Variants in IMMP2L observed in about 807,000 individuals in gnomAD.
The protein encoded by IMMP2L is mitochondrial inner membrane protease subunit 2.
In IMMP2L, 18 loss-of-function variants were observed where a neutral mutation model predicts 19.3. The observed-to-expected ratio is 0.93, with a 90% CI of 0.64 to 1.38. The LOEUF (loss-of-function observed/expected upper bound fraction) is 1.38, where lower values mean the gene tolerates loss of function less well. Ranked by LOEUF, IMMP2L falls within the 40% of genes most tolerant of loss-of-function variation. The pLI, the probability that IMMP2L is intolerant of heterozygous loss-of-function variation, is 0.00. For synonymous variants in IMMP2L, 76 were observed against 73.0 expected (o/e 1.04, Z -0.21); for missense variants, 233 against 218.2 (o/e 1.07, Z -0.43).
chr7:111,141,104 T>C (rs1802832784), intron 3 of IMMP2L, among the ~76,000 whole-genome samples: 2 of 152,138 alleles, frequency 1.3e-5, no homozygotes, highest in African/African-American at 2.4e-5. Flanking sequence ...CTCTACCCTA[T>C]GCATTAGTGT....
chr7:110,724,180 A>G (rs553724720), intron 5 of IMMP2L: 1 of 152,336 alleles, frequency 6.6e-6, no homozygotes, highest in South Asian at 2.1e-4. Flanking sequence ...CGGATAATTA[A>G]TATTTCAAGA....
chr7:110,763,408 A>G (rs990629259), intron 5 of IMMP2L, among the ~76,000 whole-genome samples: 5 of 152,140 alleles, frequency 3.3e-5, no homozygotes, highest in Admixed American at 2.0e-4. Flanking sequence ...CTGAGCAAGC[A>G]AAGCCCTACG....
At chr7:111,112,987 C>T (rs939653639) in intron 3 of IMMP2L, among the ~76,000 whole-genome samples, 6 of 152,092 alleles carry the variant, frequency 3.9e-5, no homozygotes, top group East Asian at 1.9e-4. Context: ...TTAGTAAAAA[C>T]GTAAAACACT....
At chr7:111,423,413 G>A (rs898820893) in intron 3 of IMMP2L, among the ~76,000 whole-genome samples, 8 of 151,882 alleles carry the variant, frequency 5.3e-5, no homozygotes, top group Admixed American at 3.9e-4. Context: ...GGTCTATTTA[G>A]AGATTCAACT....
intron 3 of IMMP2L, among the ~76,000 whole-genome samples, chr7:111,363,828 T>C (rs1829488554): frequency 1.3e-5 from 2 of 152,256 alleles, no homozygotes; most frequent in South Asian, 4.1e-4. Flanking sequence ...CATTTTCTCC[T>C]GTACTTACTC....
intron 5 of IMMP2L, among the ~76,000 whole-genome samples, chr7:110,719,514 T>C (rs1393238122): frequency 3.9e-5 from 6 of 152,190 alleles, no homozygotes; most frequent in African/African-American, 1.4e-4. Flanking sequence ...AACCCCATTA[T>C]TAAAATACAA....
intron 3 of IMMP2L, among the ~76,000 whole-genome samples, chr7:111,250,881 C>T (rs1280333838): frequency 6.6e-6 from 1 of 152,126 alleles, no homozygotes; most frequent in Non-Finnish European, 1.5e-5. Flanking sequence ...AAAGCCACAG[C>T]AACAAAAGCA....
At chr7:111,219,340 G>A (rs545405709) in intron 3 of IMMP2L, among the ~76,000 whole-genome samples, 4 of 152,012 alleles carry the variant, frequency 2.6e-5, no homozygotes, top group African/African-American at 9.6e-5. Context: ...TGATCAATAT[G>A]CTGATGTTCA....
chr7:111,474,672 T>C (rs147532185), intron 3 of IMMP2L, among the ~76,000 whole-genome samples: 1 of 152,238 alleles, frequency 6.6e-6, no homozygotes, highest in East Asian at 1.9e-4. Context: ...TATTAACTGA[T>C]TTCCCCCCTT....
rs1798318535 is a variant in IMMP2L at position 110,760,978 on chromosome 7, A to G, written c.409-97257T>C. Among the ~76,000 whole-genome samples, 1 of 152,134 alleles carries G rather than the reference A, an allele frequency of 6.6e-6. No individual in the cohort carries two copies. The highest frequency in any genetic ancestry group is 2.4e-5 in the African/African-American group (1 of 41,460). Reference sequence around the variant, plus strand: ...GCAAACATTGCAATGCAGCGATATCAGGTGAATTTGAAAAGCATCTGCTAC... The same window carrying G: ...GCAAACATTGCAATGCAGCGATATCGGGTGAATTTGAAAAGCATCTGCTAC... On this transcript the variant is annotated intron_variant, in intron 5 of 5. Coordinates refer to ENST00000405709, the MANE Select transcript of IMMP2L (RefSeq NM_032549.4). The surrounding 1 kb of genome is among the most constrained non-coding windows in gnomAD (Gnocchi z 4.2).
At chr7:111,077,041 T>C (rs1024957329) in intron 3 of IMMP2L, among the ~76,000 whole-genome samples, 20 of 152,224 alleles carry the variant, frequency 1.3e-4, no homozygotes, top group Admixed American at 3.3e-4. Flanking sequence ...GAAAATCTTA[T>C]CTCAAGATGA....
intron 5 of IMMP2L, among the ~76,000 whole-genome samples, chr7:110,735,401 T>A (rs2396269): frequency 0.44 from 66,974 of 151,606 alleles, 16,226 homozygotes; most frequent in African/African-American, 0.66. Flanking sequence ...ATTCTTTGTG[T>A]GTCCACATCC....
At chr7:110,675,718 A>G (rs543416680) in intron 5 of IMMP2L, among the ~76,000 whole-genome samples, 2 of 152,322 alleles carry the variant, frequency 1.3e-5, no homozygotes, top group South Asian at 4.1e-4. Context: ...TTTAAAATAA[A>G]TTTGGTTCCT....
chr7:111,132,050 A>G (rs1414612825), intron 3 of IMMP2L, among the ~76,000 whole-genome samples: 3 of 151,928 alleles, frequency 2.0e-5, no homozygotes, highest in East Asian at 1.9e-4. Flanking sequence ...CCCCATCAGT[A>G]TGTTCTTTTA....
rs75823915 is a variant in IMMP2L at position 111,545,747 on chromosome 7, T to C, written c.-3+16104A>G. Among the ~76,000 whole-genome samples, 411 of 152,308 alleles carry C rather than the reference T, an allele frequency of 2.7e-3. 6 individuals carry two copies. Among genetic ancestry groups the C allele is most frequent in the African/African-American group, 9.3e-3 (386 of 41,564 alleles). ...CCCTAATTTCTCAGAGTTGGCTATA[T>C]GTAATGCAGAAGTACATTTTGAGTT... On this transcript the variant is annotated intron_variant, in intron 1 of 5. Transcript: ENST00000405709.
At chr7:111,354,409 G>A (rs796795002) in intron 3 of IMMP2L, among the ~76,000 whole-genome samples, 9 of 151,644 alleles carry the variant, frequency 5.9e-5, no homozygotes, top group African/African-American at 1.7e-4. Flanking sequence ...AACCGACAAC[G>A]AAAATAAAGC....
chr7:111,233,108 CAATA>C (rs1407449562), intron 3 of IMMP2L, among the ~76,000 whole-genome samples: 11 of 152,074 alleles, frequency 7.2e-5, no homozygotes, highest in Admixed American at 7.2e-4. Flanking sequence ...CTTAGATGCT[CAATA>C]AATGTCTGCT....
chr7:110,864,783 C>CT, intron 5 of IMMP2L, among the ~76,000 whole-genome samples: 1 of 152,026 alleles, frequency 6.6e-6, no homozygotes, highest in Non-Finnish European at 1.5e-5. Context: ...TTAAAATTGT[C>CT]TACTTATGCT....
chr7:111,155,064 T>C (rs967343033), intron 3 of IMMP2L, among the ~76,000 whole-genome samples: 2 of 152,134 alleles, frequency 1.3e-5, no homozygotes, highest in African/African-American at 4.8e-5. Flanking sequence ...AGATCATTAG[T>C]TATTATTAAA....
Sources: gnomAD v4.1 joint callset for allele counts (sites outside exome capture counted in the v4.1 genomes callset) on GRCh38, gnomAD v4.1.1 for gene constraint, Gnocchi (gnomAD v3.1) non-coding constraint, MANE v1.5 for transcripts, NCBI Gene and HGNC (gene_info 2026-07-23, HGNC 2026-07-21) for gene names.